The following SIK3 variants were observed in gnomAD, a reference collection of about 807,000 sequenced individuals.
SIK3 encodes SIK family kinase 3, also known as serine/threonine-protein kinase SIK3.
Under a neutral mutation model 144.2 loss-of-function variants are expected in SIK3, and 28 were observed. The observed-to-expected ratio is 0.19, with a 90% CI of 0.14 to 0.27. The LOEUF (loss-of-function observed/expected upper bound fraction) is 0.27. Among genes scored for constraint, SIK3 ranks in the 10% least tolerant of loss-of-function variants. The probability of loss-of-function intolerance (pLI) is 1.00; values close to 1 mark genes in which losing one functional copy is unlikely to be tolerated. For missense variants in SIK3, 1,319 were observed against 1,776.0 expected (o/e 0.74, Z 4.62); for synonymous variants, 686 against 676.3 (o/e 1.01, Z -0.22).
chr11:116,965,734 A>AATATATATATATATATATATATATAT (rs58587995), intron 1 of SIK3, among the ~76,000 whole-genome samples: 1 of 118,402 alleles, frequency 8.4e-6, no homozygotes, highest in African/African-American at 3.7e-5. Flanking sequence ...TCTCTGCTAA[A>AATATATATATATATATATATATATAT]ATATATATAT....
chr11:117,086,225 C>A (rs932331283), intron 1 of SIK3, among the ~76,000 whole-genome samples: 13 of 152,194 alleles, frequency 8.5e-5, no homozygotes, highest in African/African-American at 2.9e-4. Flanking sequence ...GTACAATGCA[C>A]ACAGCAAATT....
At chr11:116,936,597 A>G (rs1947932859) in intron 3 of SIK3, among the ~76,000 whole-genome samples, 2 of 151,908 alleles carry the variant, frequency 1.3e-5, no homozygotes, top group Admixed American at 1.3e-4. Flanking sequence ...TTTCTTCCTC[A>G]CTCTTAACAT....
At chr11:117,080,703 T>C (rs1954746526) in intron 1 of SIK3, among the ~76,000 whole-genome samples, 1 of 152,098 alleles carries the variant, frequency 6.6e-6, no homozygotes, top group African/African-American at 2.4e-5. Context: ...ATCCCAGCAC[T>C]TTGGGAGGCT....
At position 116,858,112 on chromosome 11, in the gene SIK3, C is replaced by T. The variant is rs770507502; in HGVS notation, c.3353G>A (p.Cys1118Tyr). ...GGTGGGTGAGGAAGCCTGTGAGACA[C>T]ATTCTTGTGCCCTGATTTGTAGCAG... is the stretch of plus-strand genomic sequence containing the variant. ...QHLLQIRAQE[C>Y]VSQASSPTPP... is the part of the protein sequence containing the mutation. The change falls in exon 21 of 25, where the codon TGT becomes TAT. Residue 1118 changes from cysteine to tyrosine, a missense_variant. By Grantham distance (194) the Cys-to-Tyr change is radical. Around this residue, in one of 8 missense-constraint regions of SIK3, gnomAD observed 646 missense variants for 763.7 expected, o/e 0.85. Coordinates refer to ENST00000445177, the MANE Select transcript of SIK3 (RefSeq NM_001366686.3). This position sits in a 1 kb window ranked among gnomAD's most constrained non-coding sequence, Gnocchi z 5.4. 5 of 1,614,042 alleles carry T rather than the reference C, an allele frequency of 3.1e-6. No homozygotes were observed. In the Admixed American group the frequency reaches 6.7e-5, roughly 22 times the overall value.
chr11:116,983,496 C>T (rs985463274), intron 1 of SIK3, among the ~76,000 whole-genome samples: 1 of 152,022 alleles, frequency 6.6e-6, no homozygotes, highest in Non-Finnish European at 1.5e-5. Context: ...TGCCACTGCA[C>T]TCCAGCCTGG....
intron 1 of SIK3, among the ~76,000 whole-genome samples, chr11:116,970,162 A>G (rs1949717337): frequency 6.6e-6 from 1 of 152,198 alleles, no homozygotes; most frequent in African/African-American, 2.4e-5. Flanking sequence ...CTGTGGTCCC[A>G]GCATTTTGGG....
intron 1 of SIK3, among the ~76,000 whole-genome samples, chr11:117,026,197 C>T (rs2186844): frequency 0.072 from 10,991 of 152,056 alleles, 488 homozygotes; most frequent in Middle Eastern, 0.11. Flanking sequence ...AATACTTAAC[C>T]GTTGGGTCAC....
chr11:116,974,101 C>T (rs189174666), intron 1 of SIK3, among the ~76,000 whole-genome samples: 50 of 152,200 alleles, frequency 3.3e-4, no homozygotes, highest in African/African-American at 1.1e-3. Context: ...GGAAACTGAC[C>T]GTGGGGTATT....
intron 6 of SIK3, among the ~76,000 whole-genome samples, chr11:116,878,833 T>C (rs1944398329): frequency 6.6e-6 from 1 of 152,218 alleles, no homozygotes; most frequent in East Asian, 1.9e-4. Flanking sequence ...CTTCATATGA[T>C]TGGCTCCTTG....
chr11:117,037,334 A>C (rs1952551225), intron 1 of SIK3, among the ~76,000 whole-genome samples: 1 of 152,220 alleles, frequency 6.6e-6, no homozygotes, highest in Admixed American at 6.5e-5. Context: ...AGTCTCTGTA[A>C]AATATATAGC....
intron 3 of SIK3, among the ~76,000 whole-genome samples, chr11:116,947,241 T>C (rs1948692590): frequency 7.6e-6 from 1 of 131,488 alleles, no homozygotes; most frequent in Admixed American, 8.5e-5. Context: ...ATATATTTTA[T>C]ATATAATTAT....
intron 1 of SIK3, among the ~76,000 whole-genome samples, chr11:117,038,405 G>A (rs1952603337): frequency 6.7e-6 from 1 of 149,178 alleles, no homozygotes; most frequent in African/African-American, 2.5e-5. Flanking sequence ...CTCCCAGGCT[G>A]GAGTGCAGTG....
chr11:116,927,959 G>A (rs1373645514), intron 3 of SIK3, among the ~76,000 whole-genome samples: 2 of 152,178 alleles, frequency 1.3e-5, no homozygotes, highest in African/African-American at 2.4e-5. Context: ...AGTGCATAGC[G>A]ATATACCTAC....
intron 1 of SIK3, among the ~76,000 whole-genome samples, chr11:117,066,871 C>G (rs907359175): frequency 7.2e-5 from 11 of 152,090 alleles, no homozygotes; most frequent in African/African-American, 2.7e-4. Flanking sequence ...AAGATCTGAA[C>G]AAATGCTTCA....
intron 22 of SIK3, among the ~76,000 whole-genome samples, chr11:116,848,565 G>A (rs370414155): frequency 6.6e-6 from 1 of 152,112 alleles, no homozygotes; most frequent in Non-Finnish European, 1.5e-5. Context: ...GAAGCCTATG[G>A]GCTCATTTGC....
intron 1 of SIK3, among the ~76,000 whole-genome samples, chr11:117,000,447 T>G (rs1565542732): frequency 1.3e-5 from 2 of 152,232 alleles, no homozygotes; most frequent in African/African-American, 4.8e-5. Context: ...TTTAAAATCT[T>G]AAGTGCCTTT....
rs149192936 is a variant in SIK3 at position 116,849,421 on chromosome 11, G to C, written c.3656-138C>G. The C allele has an allele frequency of 6.4e-3, 6,942 of 1,076,496 alleles. 25 individuals are homozygous for C. Among genetic ancestry groups the C allele is most frequent in the Non-Finnish European group, 8.3e-3 (6,250 of 750,810 alleles). The allele number at this position is 1,076,496 out of a possible 1,614,324, so 66.7% of individuals were successfully genotyped here. On this transcript the variant is annotated intron_variant, in intron 21 of 24. Transcript: ENST00000445177. The surrounding 1 kb of genome is among the most constrained non-coding windows in gnomAD (Gnocchi z 4.2). ...TACACCAACCGCTGATCCTCAGCCG[G>C]CGTCATGGCTTAGAGGAGCCTGGAC...
chr11:116,903,845 G>C (rs1219345166), intron 4 of SIK3, among the ~76,000 whole-genome samples: 2 of 152,118 alleles, frequency 1.3e-5, no homozygotes, highest in Non-Finnish European at 2.9e-5. Context: ...CTAGGCCTTC[G>C]TAAGTGCTGG....
intron 7 of SIK3, 49 bp downstream of exon 7, chr11:116,876,875 C>G: frequency 7.5e-6 from 11 of 1,473,376 alleles, no homozygotes; most frequent in Non-Finnish European, 1.0e-5. Flanking sequence ...GCAAAGGAGG[C>G]TGCAGCAGCT....
Sources: gnomAD v4.1 joint callset for allele counts (sites outside exome capture counted in the v4.1 genomes callset) on GRCh38, gnomAD v4.1.1 for gene constraint, gnomAD v4.1.1 regional missense constraint, Gnocchi (gnomAD v3.1) non-coding constraint, MANE v1.5 for transcripts, NCBI Gene and HGNC (gene_info 2026-07-23, HGNC 2026-07-21) for gene names.